Variants in PCDHGA5 observed in about 807,000 individuals in gnomAD.
PCDHGA5 encodes the protein protocadherin gamma-A5.
A neutral mutation model predicts 56.7 loss-of-function variants in PCDHGA5; 36 were observed. The observed-to-expected ratio is 0.64, with a 90% CI of 0.49 to 0.84. The LOEUF (loss-of-function observed/expected upper bound fraction) is 0.84, where lower values mean the gene tolerates loss of function less well. Among genes scored for constraint, PCDHGA5 ranks in the 40% least tolerant of loss-of-function variants. The probability of loss-of-function intolerance (pLI) is 0.00; values close to 1 mark genes in which losing one functional copy is unlikely to be tolerated. For missense variants in PCDHGA5, 1,305 were observed against 1,201.5 expected, an observed-to-expected ratio of 1.09 and a Z score of -1.27; for synonymous variants, 563 against 520.2, an observed-to-expected ratio of 1.08 and a Z score of -1.12.
chr5:141,419,692 C>T (rs2096416788), intron 1 of PCDHGA5: 15 of 1,612,780 alleles, frequency 9.3e-6, no homozygotes, highest in Non-Finnish European at 1.3e-5. Context: ...TGGTGCAGGC[C>T]AGTGAGCCCG....
intron 1 of PCDHGA5, chr5:141,382,901 T>C (rs748634682): frequency 5.8e-6 from 9 of 1,543,194 alleles, no homozygotes; most frequent in East Asian, 2.3e-5. Flanking sequence ...AGGACGACTA[T>C]GGCGGCTCAG....
chr5:141,433,328 G>C, intron 1 of PCDHGA5: 1 of 724,580 alleles, frequency 1.4e-6, no homozygotes, highest in Non-Finnish European at 2.3e-6. Context: ...GGTGTAACAG[G>C]GACTACAGGT....
Position 141,432,846 on chromosome 5 carries a change from C to T in PCDHGA5, c.2422-61961C>T, listed in dbSNP as rs1312403897. ...GACCTCACTCTGTACCTGGTGGTAGCGGTGGCCGCGGTCTCCTGCGTCTTC... is the reference window on the plus strand; with the variant it reads ...GACCTCACTCTGTACCTGGTGGTAGTGGTGGCCGCGGTCTCCTGCGTCTTC... On this transcript the variant is annotated intron_variant, in intron 1 of 3. Transcript: ENST00000518069. The surrounding 1 kb of genome is among the most constrained non-coding windows in gnomAD (Gnocchi z 6.0). 2.5e-6 allele frequency: 4 copies of T among 1,614,192 alleles called. No homozygotes were observed. The African/African-American group carries it at 5.3e-5, about 22-fold the overall frequency.
chr5:141,413,352 G>C lies in PCDHGA5; in HGVS notation c.2421+46601G>C, dbSNP rs896091511. ...ACATCTCCAAGGACTTGGGTCTGGC[G>C]CCCCGGGAGCTGGCGGAGCGCGGAG... On this transcript the variant is annotated intron_variant, in intron 1 of 3. Coordinates refer to ENST00000518069, the MANE Select transcript of PCDHGA5 (RefSeq NM_018918.3). 1.9e-6 allele frequency: 3 copies of C among 1,613,858 alleles called. No homozygotes were observed. In the African/African-American group the frequency reaches 4.0e-5, roughly 22 times the overall value.
chr5:141,395,463 C>A, intron 1 of PCDHGA5: 1 of 582,522 alleles, frequency 1.7e-6, no homozygotes, highest in Non-Finnish European at 2.9e-6. Flanking sequence ...CCATTTTAAG[C>A]CTTCCAGTAT....
In PCDHGA5 at chr5:141,364,212, A is replaced by T; in HGVS notation, c.-119A>T. On this transcript the variant is annotated 5_prime_UTR_variant, in exon 1 of 4. Coordinates refer to ENST00000518069, the MANE Select transcript of PCDHGA5 (RefSeq NM_018918.3). ...AAACACACAGACCAGACAAGCTCCT[A>T]CGAAAAGCCAACGCTCCACGCCCAT... 1 of 1,252,416 alleles carries T rather than the reference A, an allele frequency of 8.0e-7. No homozygotes were observed. The highest frequency in any genetic ancestry group is 1.7e-5 in the South Asian group (1 of 57,430). 77.6% of individuals were successfully genotyped at this position (1,252,416 alleles called of 1,614,324 possible).
intron 1 of PCDHGA5, chr5:141,414,343 A>G: frequency 1.9e-6 from 3 of 1,613,882 alleles, no homozygotes; most frequent in Non-Finnish European, 2.5e-6. Flanking sequence ...AACCTGTTCC[A>G]TTTTGGCGTA....
chr5:141,423,957 T>G, intron 1 of PCDHGA5: 1 of 1,183,084 alleles, frequency 8.5e-7, no homozygotes, highest in Non-Finnish European at 1.1e-6. Context: ...TTTAGTATTA[T>G]TTTTCTATTA....
chr5:141,372,052 A>G (rs1768353245), intron 1 of PCDHGA5: 2 of 1,613,472 alleles, frequency 1.2e-6, no homozygotes. Context: ...GTGTTGGTGG[A>G]CGACCGCAAC....
At chr5:141,440,221 C>A (rs557068282) in intron 1 of PCDHGA5, 2 of 152,450 alleles carry the variant, frequency 1.3e-5, no homozygotes, top group Admixed American at 6.5e-5. Context: ...GTAATCCCAG[C>A]ACTTTGGGAG....
At chr5:141,374,621 G>A (rs1261974648) in intron 1 of PCDHGA5, 1 of 1,613,482 alleles carries the variant, frequency 6.2e-7, no homozygotes, top group Non-Finnish European at 8.5e-7. Flanking sequence ...TCACTTCTCA[G>A]TGGACGTGCA....
intron 1 of PCDHGA5, chr5:141,422,041 G>A (rs371079504): frequency 2.1e-5 from 34 of 1,611,632 alleles, no homozygotes; most frequent in Non-Finnish European, 2.9e-5. Flanking sequence ...GGATCCAGAC[G>A]AGGGAATCAA....
intron 1 of PCDHGA5, among the ~76,000 whole-genome samples, chr5:141,450,561 A>G (rs1381887193): frequency 6.6e-6 from 1 of 151,856 alleles, no homozygotes; most frequent in Admixed American, 6.6e-5. Flanking sequence ...GTCTCGGCTC[A>G]CTGCAACTTC....
In PCDHGA5 at chr5:141,490,091, A is replaced by T; in HGVS notation, c.2422-4716A>T. 6.2e-7 allele frequency: 1 copy of T among 1,614,240 alleles called. No homozygotes were observed. Among genetic ancestry groups the T allele is most frequent in the East Asian group, 2.2e-5 (1 of 44,888 alleles). ...CAACTAGACTATTCTTTTGGAGACC[A>T]CACATCTGAGGCAGTGCGGAACCTC... On this transcript the variant is annotated intron_variant, in intron 1 of 3. Coordinates refer to ENST00000518069, the MANE Select transcript of PCDHGA5 (RefSeq NM_018918.3). The surrounding 1 kb of genome is among the most constrained non-coding windows in gnomAD (Gnocchi z 5.4).
At chr5:141,428,142 C>T in intron 1 of PCDHGA5, 1 of 1,594,260 alleles carries the variant, frequency 6.3e-7, no homozygotes, top group Non-Finnish European at 8.6e-7. Flanking sequence ...CCTGGGGCTG[C>T]ACACGGGAAC....
Position 141,491,730 on chromosome 5 carries a change from C to G in PCDHGA5, c.2422-3077C>G, listed in dbSNP as rs1346666614. 1 of 1,603,920 alleles carries G rather than the reference C, an allele frequency of 6.2e-7. No homozygotes were observed. Among genetic ancestry groups the G allele is most frequent in the Non-Finnish European group, 8.5e-7 (1 of 1,175,836 alleles). ...GGGGCTCGGCGCCGCCCCGGGCGAC[C>G]CCTGGGGGCGGCACTGGAGAAGCCG... On this transcript the variant is annotated intron_variant, in intron 1 of 3. Coordinates refer to ENST00000518069, the MANE Select transcript of PCDHGA5 (RefSeq NM_018918.3). The surrounding 1 kb of genome is among the most constrained non-coding windows in gnomAD (Gnocchi z 6.9).
chr5:141,374,812 T>C, intron 1 of PCDHGA5: 1 of 1,613,998 alleles, frequency 6.2e-7, no homozygotes, highest in Non-Finnish European at 8.5e-7. Flanking sequence ...CAATGTTTAC[T>C]CAGCCTGTCT....
At position 141,486,455 on chromosome 5, in the gene PCDHGA5, T is replaced by G; in HGVS notation, c.2422-8352T>G. On this transcript the variant is annotated intron_variant, in intron 1 of 3. Transcript: ENST00000518069. This position sits in a 1 kb window ranked among gnomAD's most constrained non-coding sequence, Gnocchi z 5.0. Reference sequence around the variant, plus strand: ...TAGCTATGACATCATGGTCACTGCTTCTGATGCTGGGAACCCTCCTCTCAG... The same window carrying G: ...TAGCTATGACATCATGGTCACTGCTGCTGATGCTGGGAACCCTCCTCTCAG... 6.2e-7 allele frequency: 1 copy of G among 1,614,066 alleles called. No homozygotes were observed. Among genetic ancestry groups the G allele is most frequent in the Non-Finnish European group, 8.5e-7 (1 of 1,179,892 alleles).
chr5:141,372,270 G>T, intron 1 of PCDHGA5: 1 of 1,613,182 alleles, frequency 6.2e-7, no homozygotes, highest in Non-Finnish European at 8.5e-7. Context: ...CACGGGTGAG[G>T]TGCGCACGGC....
Sources: gnomAD v4.1 joint callset for allele counts (sites outside exome capture counted in the v4.1 genomes callset) on GRCh38, gnomAD v4.1.1 for gene constraint, Gnocchi (gnomAD v3.1) non-coding constraint, MANE v1.5 for transcripts, NCBI Gene and HGNC (gene_info 2026-07-23, HGNC 2026-07-21) for gene names.